The following SCN1A variants were observed in gnomAD, a reference collection of about 807,000 sequenced individuals.
SCN1A encodes sodium voltage-gated channel alpha subunit 1.
Under a neutral mutation model 193.7 loss-of-function variants are expected in SCN1A, and 13 were observed. The observed-to-expected ratio is 0.07, with a 90% confidence interval of 0.04 to 0.11. The LOEUF is 0.11. Among genes scored for constraint, SCN1A ranks in the 10% least tolerant of loss-of-function variants. The probability of loss-of-function intolerance (pLI) is 1.00; values close to 1 mark genes in which losing one functional copy is unlikely to be tolerated. For synonymous variants in SCN1A, 781 were observed against 843.6 expected, an observed-to-expected ratio of 0.93 and a Z score of 1.29; for missense variants, 1,432 against 2,451.1, an observed-to-expected ratio of 0.58 and a Z score of 8.78.
chr2:166,020,920 A>T (rs905652156), intron 19 of SCN1A, among the ~76,000 whole-genome samples: 2 of 152,232 alleles, frequency 1.3e-5, no homozygotes, highest in African/African-American at 4.8e-5. Context: ...CCATGCTGGA[A>T]CAAGGCACCT....
chr2:166,009,342 A>G, intron 23 of SCN1A: 1 of 154,396 alleles, frequency 6.5e-6, no homozygotes, highest in Non-Finnish European at 1.4e-5. Flanking sequence ...AAAACTCGTT[A>G]AGTACAGTAT....
intron 1 of SCN1A, among the ~76,000 whole-genome samples, chr2:166,127,363 G>C (rs543096607): frequency 6.6e-6 from 1 of 152,070 alleles, no homozygotes; most frequent in Non-Finnish European, 1.5e-5. Flanking sequence ...TTTTTGCTCC[G>C]TCCTTAAGAA....
intron 20 of SCN1A, 117 bp from the exon 21 acceptor site, chr2:166,014,015 C>T: frequency 3.3e-6 from 4 of 1,220,880 alleles, no homozygotes; most frequent in South Asian, 2.5e-5. Flanking sequence ...GCTAGCATAG[C>T]TCTCTAAGCC....
In SCN1A at chr2:166,013,832, T is replaced by C; in HGVS notation, c.3617A>G (p.Asn1206Ser). Residue 1206 changes from asparagine (N) to serine (S), a missense_variant, in exon 21 of 29, where the codon AAC becomes AGC. By Grantham distance (46) the Asn-to-Ser change is conservative (BLOSUM62 1). This residue lies in a region of SCN1A where 198 missense variants were observed against 225.8 expected (regional missense o/e 0.88). Coordinates refer to ENST00000674923, the MANE Select transcript of SCN1A (RefSeq NM_001165963.4). ...TATTCGGAAACACGTCCTTCTCAGG[T>C]TCCACCATTGTTTTCCTCTGCCTTC... ...VEEGRGKQWWNLRRTCFRIVE... is the reference protein window; with the variant it reads ...VEEGRGKQWWSLRRTCFRIVE... 1 of 1,612,450 alleles carries C rather than the reference T, an allele frequency of 6.2e-7. No individual in the cohort carries two copies. The highest frequency in any genetic ancestry group is 8.5e-7 in the Non-Finnish European group (1 of 1,178,768).
intron 2 of SCN1A, among the ~76,000 whole-genome samples, chr2:166,091,415 A>C (rs1686789428): frequency 1.3e-5 from 2 of 152,214 alleles, no homozygotes; most frequent in African/African-American, 4.8e-5. Context: ...GAGGGTCCTC[A>C]CAAGAGGGAT....
rs1553549683 is a variant in SCN1A, at chr2:166,051,852, A to G, written c.831T>C (p.Cys277=). 2 of 1,612,724 alleles carry G rather than the reference A, an allele frequency of 1.2e-6. No individual in the cohort carries two copies. Among genetic ancestry groups the G allele is most frequent in the Non-Finnish European group, 8.5e-7 (1 of 1,179,072 alleles). The stretch of plus-strand genomic sequence containing the variant: ...AAGCATTGGTGGGAGGCCATTGTAT[A>G]CATTTATTCCTCAGGTTGCCCATGA... The part of the protein sequence containing the change: ...QLFMGNLRNK[C]IQWPPTNASL... The change falls in exon 9 of 29, where the codon TGT becomes TGC. Residue 277 remains cysteine, a synonymous_variant. Coordinates refer to ENST00000674923, the MANE Select transcript of SCN1A (RefSeq NM_001165963.4).
downstream of SCN1A, chr2:165,985,744 A>G (rs1435267122): frequency 6.6e-6 from 1 of 152,166 alleles, no homozygotes; most frequent in African/African-American, 2.4e-5. Flanking sequence ...GATTAAATCA[A>G]TATTGATTGA....
intron 4 of SCN1A, among the ~76,000 whole-genome samples, chr2:166,069,240 T>C (rs1354813935): frequency 1.3e-5 from 2 of 152,204 alleles, no homozygotes; most frequent in East Asian, 3.9e-4. Context: ...AGCATTTTTT[T>C]CCCCTGAGTT....
rs1057524615 is a variant in SCN1A at position 165,991,379 on chromosome 2, C to A, written c.5896G>T (p.Glu1966Ter). Residue 1966 changes from glutamate (E) to a stop codon, truncating the protein, a stop_gained, in exon 29 of 29, where the codon GAA becomes TAA. Coordinates refer to ENST00000674923, the MANE Select transcript of SCN1A (RefSeq NM_001165963.4). LOFTEE classifies it high-confidence loss of function. ...KEDMIIDRIN[E>*]NSITEKTDLT... ...TCAGTTTTTTCTGTAATAGAGTTTT[C>A]ATTTATTCTGTCAATTATCATGTCT... 4 of 1,613,472 alleles carry A rather than the reference C, an allele frequency of 2.5e-6. No homozygotes were observed. In the African/African-American group the frequency reaches 5.3e-5, roughly 22 times the overall value.
chr2:166,106,598 T>G lies in SCN1A; in HGVS notation c.-142+20326A>C, dbSNP rs372598367. 1.4e-3 allele frequency among the ~76,000 whole-genome samples: 214 copies of G among 152,234 alleles called. 6 individuals carry two copies. In the South Asian group the frequency reaches 0.044, roughly 31 times the overall value. On this transcript the variant is annotated intron_variant, in intron 2 of 28. Coordinates refer to ENST00000674923, the MANE Select transcript of SCN1A (RefSeq NM_001165963.4). ...AGTGAGGATGTGTCTGTGTTGGCAGTGTGCGGTGTCAGTGCTGGGAGAACT... is the reference window on the plus strand; with the variant it reads ...AGTGAGGATGTGTCTGTGTTGGCAGGGTGCGGTGTCAGTGCTGGGAGAACT...
intron 12 of SCN1A, 141 bp from the exon 13 acceptor site, chr2:166,045,468 A>AT: frequency 1.1e-6 from 1 of 926,828 alleles, no homozygotes; most frequent in Non-Finnish European, 1.6e-6. Context: ...CTCTGCAAGT[A>AT]TAAGAGGAGA....
At chr2:166,014,896 G>A (rs530935295) in intron 20 of SCN1A, among the ~76,000 whole-genome samples, 5 of 151,770 alleles carry the variant, frequency 3.3e-5, no homozygotes, top group Non-Finnish European at 7.4e-5. Flanking sequence ...GGAACAAGCT[G>A]CTGTTCCACC....
rs781370341 is a variant in SCN1A, at chr2:165,991,310, C to T, written c.5965G>A (p.Val1989Met). ...TGTTTTTCCACAATTGGCTTTGTCA[C>T]CCGGTCATAGGAAGGTGGACAAGCT... ...TAACPPSYDR[V>M]TKPIVEKHEQ... Residue 1989 changes from valine to methionine, a missense_variant, in exon 29 of 29, where the codon GTG (valine) becomes ATG (methionine). By Grantham distance (21) the Val-to-Met change is conservative (BLOSUM62 1). Around this residue, in one of 18 missense-constraint regions of SCN1A, gnomAD observed 148 missense variants for 160.3 expected, o/e 0.92. Coordinates refer to ENST00000674923, the MANE Select transcript of SCN1A (RefSeq NM_001165963.4). The T allele has an allele frequency of 8.1e-6, 13 of 1,613,406 alleles. No individual in the cohort carries two copies. Among genetic ancestry groups the T allele is most frequent in the Non-Finnish European group, 1.1e-5 (13 of 1,179,818 alleles).
intron 4 of SCN1A, among the ~76,000 whole-genome samples, chr2:166,067,976 T>TTTTC: frequency 6.6e-6 from 1 of 152,278 alleles, no homozygotes; most frequent in South Asian, 2.1e-4. Flanking sequence ...CCTGGGCCTT[T>TTTTC]TTTCTTTCTT....
intron 8 of SCN1A, among the ~76,000 whole-genome samples, chr2:166,052,578 A>G (rs1200167794): frequency 6.7e-6 from 1 of 148,714 alleles, no homozygotes; most frequent in African/African-American, 2.5e-5. Flanking sequence ...GGTACATTTA[A>G]AAGGGAGCAA....
At chr2:166,091,669 T>C (rs1423138101) in intron 2 of SCN1A, among the ~76,000 whole-genome samples, 1 of 152,224 alleles carries the variant, frequency 6.6e-6, no homozygotes, top group Admixed American at 6.5e-5. Context: ...CAAGACCCTT[T>C]TCCCTATGGC....
intron 19 of SCN1A, among the ~76,000 whole-genome samples, chr2:166,019,368 G>C (rs531919572): frequency 6.6e-6 from 1 of 152,258 alleles, no homozygotes; most frequent in Non-Finnish European, 1.5e-5. Flanking sequence ...TCTACAGTCT[G>C]TCTGAACTAC....
At chr2:166,114,217 T>C (rs1398253524) in intron 2 of SCN1A, among the ~76,000 whole-genome samples, 1 of 152,204 alleles carries the variant, frequency 6.6e-6, no homozygotes, top group African/African-American at 2.4e-5. Context: ...AGTTAAACAA[T>C]GCAATGATTT....
chr2:166,057,604 C>G (rs1699258834), intron 5 of SCN1A, among the ~76,000 whole-genome samples: 1 of 151,844 alleles, frequency 6.6e-6, no homozygotes, highest in African/African-American at 2.4e-5. Flanking sequence ...AGGAAACTTC[C>G]CTAAGTATAA....
Sources: gnomAD v4.1 joint callset for allele counts (sites outside exome capture counted in the v4.1 genomes callset) on GRCh38, gnomAD v4.1.1 for gene constraint, gnomAD v4.1.1 regional missense constraint, MANE v1.5 for transcripts, NCBI Gene and HGNC (gene_info 2026-07-23, HGNC 2026-07-21) for gene names.